The following OXSM variants were observed in gnomAD, a reference collection of about 807,000 sequenced individuals.
OXSM encodes 3-oxoacyl-[acyl-carrier-protein] synthase, mitochondrial.
In OXSM, 19 loss-of-function variants were observed where a neutral mutation model predicts 29.2. The observed-to-expected ratio is 0.65, with a 90% CI of 0.45 to 0.96. OXSM has a LOEUF of 0.96. Among genes scored for constraint, OXSM ranks in the 40% least tolerant of loss-of-function variants. OXSM has a pLI of 0.00. For missense variants in OXSM, 554 were observed against 551.3 expected (o/e 1.00, Z -0.05); for synonymous variants, 178 against 197.1 (o/e 0.90, Z 0.81).
chr3:25,791,207 TG>T lies in OXSM; in HGVS notation c.190del (p.Asp64IlefsTer65). The T allele has an allele frequency of 6.2e-7, 1 of 1,614,220 alleles. No homozygotes were observed. Among genetic ancestry groups the T allele is most frequent in the African/African-American group, 1.3e-5 (1 of 75,048 alleles). Reference protein sequence around the residue: ...TPLGVGTHLVWDRLIGGESGI... With the variant: ...TPLGVGTHLVXDRLIGGESGI... ...TCTTGGTGTTGGAACTCACCTGGTT[TG>T]GGATCGTCTTATCGGAGGAGAGAGT... On this transcript the variant is annotated frameshift_variant, in exon 2 of 3. Coordinates refer to ENST00000280701, the MANE Select transcript of OXSM (RefSeq NM_017897.3). LOFTEE classifies it high-confidence loss of function.
intron 1 of OXSM, 40 bp downstream of exon 1, chr3:25,790,187 C>G (rs1708700015): frequency 2.1e-6 from 1 of 465,940 alleles, no homozygotes; most frequent in South Asian, 3.4e-5. Flanking sequence ...CTCCTTTCCT[C>G]CTTTACATTC....
intron 1 of OXSM, chr3:25,790,695 C>G: frequency 4.2e-6 from 1 of 239,042 alleles, no homozygotes; most frequent in East Asian, 9.4e-5. Context: ...TCCTGCAGCT[C>G]AAATCAGGCT....
intron 1 of OXSM, 63 bp downstream of exon 1, chr3:25,790,210 G>C (rs777929368): frequency 9.5e-6 from 4 of 422,742 alleles, no homozygotes; most frequent in East Asian, 8.1e-5. Context: ...ATCAAGTCGG[G>C]GTTGAATTTC....
Position 25,790,103 on chromosome 3 carries a change from A to T in OXSM, c.-76A>T, listed in dbSNP as rs41285081. 2.5e-5 allele frequency: 15 copies of T among 590,708 alleles called. No individual in the cohort carries two copies. The highest frequency in any genetic ancestry group is 3.7e-5 in the African/African-American group (2 of 53,588). 36.6% of individuals were successfully genotyped at this position (590,708 alleles called of 1,614,324 possible). ...GTGTGCGCGTGCGCTCGAGAGCGTC[A>T]TCGCCCCCGACTGTGGAGAAGTGTC... On this transcript the variant is annotated 5_prime_UTR_variant, in exon 1 of 3. Transcript: ENST00000280701.
chr3:25,790,813 GA>G, intron 1 of OXSM, 176 bp from the exon 2 acceptor site: 1 of 495,250 alleles, frequency 2.0e-6, no homozygotes, highest in Non-Finnish European at 3.6e-6. Flanking sequence ...GTCTAAAAAA[GA>G]AGGTAAGTTT....
In OXSM at chr3:25,791,306, A is replaced by G; in HGVS notation, c.286A>G (p.Ser96Gly). Residue 96 changes from serine to glycine, a missense_variant, in exon 2 of 3, where the codon AGT (serine) becomes GGT (glycine). By Grantham distance (56) the Ser-to-Gly change is moderately conservative (BLOSUM62 0). Transcript: ENST00000280701. ...CSVAAYVPRG[S>G]DEGQFNEQNF... ...TGTTGCTGCTTATGTGCCAAGAGGT[A>G]GTGATGAAGGTCAGTTCAATGAACA... 6.2e-7 allele frequency: 1 copy of G among 1,614,148 alleles called. No homozygotes were observed. The highest frequency in any genetic ancestry group is 8.5e-7 in the Non-Finnish European group (1 of 1,179,984).
At position 25,791,279 on chromosome 3, in the gene OXSM, A is replaced by G. The variant is rs1708742204; in HGVS notation, c.259A>G (p.Ser87Gly). 1 of 1,614,098 alleles carries G rather than the reference A, an allele frequency of 6.2e-7. No homozygotes were observed. Among genetic ancestry groups the G allele is most frequent in the African/African-American group, 1.3e-5 (1 of 74,932 alleles). The change falls in exon 2 of 3, where the codon AGT becomes GGT. Residue 87 changes from serine to glycine, a missense_variant. Transcript: ENST00000280701. ...VGEEYKSIPC[S>G]VAAYVPRGSD... ...TGAAGAGTATAAGAGTATCCCTTGC[A>G]GTGTTGCTGCTTATGTGCCAAGAGG... is the stretch of plus-strand genomic sequence containing the variant.
chr3:25,790,965 C>G, intron 1 of OXSM, 25 bp from the exon 2 acceptor site: 1 of 1,542,970 alleles, frequency 6.5e-7, no homozygotes, highest in Non-Finnish European at 8.8e-7. Context: ...AGAATACCTC[C>G]TAGGTGTGTT....
In OXSM at chr3:25,791,653, A is replaced by G. The variant is rs753783337; in HGVS notation, c.633A>G (p.Thr211=). 1.4e-5 allele frequency: 22 copies of G among 1,614,200 alleles called. No individual in the cohort carries two copies. Among genetic ancestry groups the G allele is most frequent in the Non-Finnish European group, 1.9e-5 (22 of 1,180,004 alleles). ...ATGCAGTATCCACAGCCTGTACCAC[A>G]GGAGCTCATGCTGTGGGAGACTCAT... ...PNHAVSTACT[T]GAHAVGDSFR... is the part of the protein sequence containing the mutation. The change falls in exon 2 of 3, where the codon ACA becomes ACG. Residue 211 remains threonine (T), a synonymous_variant. Coordinates refer to ENST00000280701, the MANE Select transcript of OXSM (RefSeq NM_017897.3).
At chr3:25,792,888 G>A (rs1432562569) in intron 2 of OXSM, among the ~76,000 whole-genome samples, 3 of 152,196 alleles carry the variant, frequency 2.0e-5, no homozygotes, top group African/African-American at 7.2e-5. Context: ...AAATTAGCCA[G>A]AGTTAGCAAC....
Position 25,790,098 on chromosome 3 carries a change from G to A in OXSM, c.-81G>A. 1.7e-6 allele frequency: 1 copy of A among 594,764 alleles called. No individual in the cohort carries two copies. Among genetic ancestry groups the A allele is most frequent in the East Asian group, 2.8e-5 (1 of 35,452 alleles). 36.8% of individuals were successfully genotyped at this position (594,764 alleles called of 1,614,324 possible). On this transcript the variant is annotated 5_prime_UTR_variant, in exon 1 of 3. Coordinates refer to ENST00000280701, the MANE Select transcript of OXSM (RefSeq NM_017897.3). Reference sequence around the variant, plus strand: ...CGTGCGTGTGCGCGTGCGCTCGAGAGCGTCATCGCCCCCGACTGTGGAGAA... The same window carrying A: ...CGTGCGTGTGCGCGTGCGCTCGAGAACGTCATCGCCCCCGACTGTGGAGAA...
chr3:25,792,291 C>T (rs1708775902), intron 2 of OXSM, among the ~76,000 whole-genome samples: 1 of 152,214 alleles, frequency 6.6e-6, no homozygotes, highest in Non-Finnish European at 1.5e-5. Context: ...CATCAGTGTG[C>T]TCCCTCACAA....
chr3:25,790,168 C>T (rs969176369), intron 1 of OXSM, 21 bp downstream of exon 1: 3 of 493,768 alleles, frequency 6.1e-6, no homozygotes, highest in Non-Finnish European at 1.1e-5. Flanking sequence ...CTACCCTCCT[C>T]CTTCGCCCCT....
At chr3:25,790,488 C>G (rs1478153636) in intron 1 of OXSM, 1 of 160,498 alleles carries the variant, frequency 6.2e-6, no homozygotes, top group Non-Finnish European at 1.4e-5. Context: ...GTATTGCCAA[C>G]CCATGTATCC....
In OXSM at chr3:25,791,780, C is replaced by G. The variant is rs773621113; in HGVS notation, c.760C>G (p.Leu254Val). 6.2e-7 allele frequency: 1 copy of G among 1,614,088 alleles called. No homozygotes were observed. Among genetic ancestry groups the G allele is most frequent in the South Asian group, 1.1e-5 (1 of 91,076 alleles). Residue 254 changes from leucine (L) to valine (V), a missense_variant, in exon 2 of 3, where the codon CTG becomes GTG. By Grantham distance (32) the Leu-to-Val change is conservative. Transcript: ENST00000280701. ...TGCTGGGTTTTCCAGAGCCCGGGCT[C>G]TGAGCACAAACTCAGATCCCAAGTT... ...SLAGFSRARA[L>V]STNSDPKLAC...
chr3:25,792,948 A>G (rs1040414904), intron 2 of OXSM, among the ~76,000 whole-genome samples: 3 of 152,188 alleles, frequency 2.0e-5, no homozygotes, highest in African/African-American at 7.2e-5. Context: ...TTTGTGGGCC[A>G]TGGAGTCTGT....
At chr3:25,792,714 A>C (rs907595953) in intron 2 of OXSM, among the ~76,000 whole-genome samples, 4 of 152,140 alleles carry the variant, frequency 2.6e-5, no homozygotes, top group Admixed American at 6.6e-5. Context: ...CTGTAGTTCT[A>C]ACAGGTGATG....
In OXSM at chr3:25,791,116, C is replaced by T. The variant is rs755456481; in HGVS notation, c.96C>T (p.Phe32=). The change falls in exon 2 of 3, where the codon TTC becomes TTT. Residue 32 remains phenylalanine, a synonymous_variant. Coordinates refer to ENST00000280701, the MANE Select transcript of OXSM (RefSeq NM_017897.3). ...CQQLRSKRKF[F]GTVPISRLHR... Reference sequence around the variant, plus strand: ...AGTTAAGAAGTAAAAGGAAGTTTTTCGGAACTGTGCCAATATCCAGATTGC... The same window carrying T: ...AGTTAAGAAGTAAAAGGAAGTTTTTTGGAACTGTGCCAATATCCAGATTGC... 26 of 1,614,028 alleles carry T rather than the reference C, an allele frequency of 1.6e-5. No homozygotes were observed. The highest frequency in any genetic ancestry group is 3.3e-4 in the Middle Eastern group (2 of 6,084).
intron 1 of OXSM, 190 bp from the exon 2 acceptor site, chr3:25,790,800 A>G: frequency 2.1e-6 from 1 of 471,284 alleles, no homozygotes. Context: ...GACGGCACTT[A>G]AGGTCTAAAA....
Sources: allele counts gnomAD v4.1 joint callset (sites outside exome capture counted in the v4.1 genomes callset), GRCh38; gene constraint gnomAD v4.1.1; transcripts MANE v1.5; gene names NCBI Gene and HGNC (gene_info 2026-07-23, HGNC 2026-07-21).